The following CABIN1 variants were observed in gnomAD, a reference collection of about 807,000 sequenced individuals.
The protein encoded by CABIN1 is calcineurin-binding protein cabin-1.
CABIN1 carries 133 observed loss-of-function variants against 227.7 expected under a neutral mutation model. The ratio of observed to expected loss-of-function variants is 0.58; its 90% CI spans 0.51 to 0.67. The LOEUF (loss-of-function observed/expected upper bound fraction) is 0.67, where lower values mean the gene tolerates loss of function less well. Among genes scored for constraint, CABIN1 ranks in the 30% least tolerant of loss-of-function variants. CABIN1 has a pLI of 0.00. For missense variants in CABIN1, 2,408 were observed against 2,852.5 expected, an observed-to-expected ratio of 0.84 and a Z score of 3.55; for synonymous variants, 1,086 against 1,155.1, an observed-to-expected ratio of 0.94 and a Z score of 1.21.
At chr22:24,141,529 C>T (rs550821128) in intron 29 of CABIN1, among the ~76,000 whole-genome samples, 1 of 152,362 alleles carries the variant, frequency 6.6e-6, no homozygotes, top group African/African-American at 2.4e-5. Flanking sequence ...CACAGCCAAG[C>T]GCTTCCACAC....
chr22:24,167,375 T>C, intron 32 of CABIN1, 62 bp downstream of exon 32: 1 of 1,530,912 alleles, frequency 6.5e-7, no homozygotes, highest in South Asian at 1.2e-5. Flanking sequence ...CTCTTGCCTT[T>C]CTATCCTCAA....
intron 34 of CABIN1, among the ~76,000 whole-genome samples, chr22:24,172,400 C>T (rs530926471): frequency 7.2e-5 from 11 of 152,332 alleles, no homozygotes; most frequent in African/African-American, 2.2e-4. Flanking sequence ...GGGGTCCTGA[C>T]CTTCAGCATG....
At chr22:24,042,539 C>T (rs1017518167) in intron 5 of CABIN1, among the ~76,000 whole-genome samples, 3 of 152,142 alleles carry the variant, frequency 2.0e-5, no homozygotes, top group African/African-American at 7.2e-5. Flanking sequence ...TATGATCACA[C>T]CACTGCACTC....
intron 31 of CABIN1, 77 bp from the exon 32 acceptor site, chr22:24,166,562 G>T (rs1046431082): frequency 4.4e-6 from 7 of 1,591,318 alleles, no homozygotes; most frequent in African/African-American, 2.7e-5. Context: ...CCCAGGTTGG[G>T]CTCACCAGCC....
At chr22:24,071,194 G>C (rs1035607496) in intron 17 of CABIN1, 152 bp downstream of exon 17, 5 of 1,088,160 alleles carry the variant, frequency 4.6e-6, no homozygotes, top group African/African-American at 1.6e-5. Context: ...GATCTGAGGA[G>C]GGGTTTGTGC....
chr22:24,149,384 C>T (rs2045350504), intron 29 of CABIN1, among the ~76,000 whole-genome samples: 1 of 152,160 alleles, frequency 6.6e-6, no homozygotes, highest in South Asian at 2.1e-4. Context: ...ATGTTACTAC[C>T]ATGGGCCCCC....
rs578136511 is a variant in CABIN1 at position 24,043,080 on chromosome 22, C to T, written c.522C>T (p.Tyr174=). 1.1e-5 allele frequency: 17 copies of T among 1,613,552 alleles called. No individual in the cohort carries two copies. The South Asian group carries it at 1.6e-4, about 16-fold the overall frequency. The change falls in exon 6 of 37, where the codon TAC becomes TAT. Residue 174 remains tyrosine, a synonymous_variant. Coordinates refer to ENST00000263119, the MANE Select transcript of CABIN1 (RefSeq NM_012295.4). ...CTGTCCTGTACACCCTCAGTGATTA[C>T]ACAAGTGAGTCATGCTTTGATGCTT... is the stretch of plus-strand genomic sequence containing the variant. ...LITVLYTLSD[Y]TTCLYFICKA...
intron 24 of CABIN1, 26 bp from the exon 25 acceptor site, chr22:24,095,905 T>C (rs1569207630): frequency 6.2e-7 from 1 of 1,613,680 alleles, no homozygotes; most frequent in Non-Finnish European, 8.5e-7. Context: ...GGAAGGCTGC[T>C]CACACTAGAG....
intron 1 of CABIN1, among the ~76,000 whole-genome samples, chr22:24,017,227 C>G (rs2035368101): frequency 6.6e-6 from 1 of 151,770 alleles, no homozygotes; most frequent in South Asian, 2.1e-4. Flanking sequence ...TTAGCAGAGA[C>G]AGGGTTTCAC....
intron 32 of CABIN1, 49 bp downstream of exon 32, chr22:24,167,362 C>G: frequency 6.4e-7 from 1 of 1,562,470 alleles, no homozygotes; most frequent in Non-Finnish European, 8.7e-7. Context: ...GGCAGCATCC[C>G]CACTCTTGCC....
intron 13 of CABIN1, 61 bp downstream of exon 13, chr22:24,062,086 A>C: frequency 7.4e-7 from 1 of 1,360,480 alleles, no homozygotes. Flanking sequence ...AGCTGGGAGA[A>C]AGCTGAGGCG....
chr22:24,175,415 G>A (rs12169759), intron 34 of CABIN1, among the ~76,000 whole-genome samples: 2,457 of 152,348 alleles, frequency 0.016, 80 homozygotes, highest in African/African-American at 0.056. Flanking sequence ...ATGGGGAGGC[G>A]GTGGGGTGGC....
At chr22:24,022,895 T>C (rs1163766567) in intron 1 of CABIN1, among the ~76,000 whole-genome samples, 3 of 152,250 alleles carry the variant, frequency 2.0e-5, no homozygotes, top group Non-Finnish European at 4.4e-5. Context: ...TTGCCCATTT[T>C]TTAATTGGTC....
chr22:24,170,312 C>G (rs556170534), intron 33 of CABIN1, among the ~76,000 whole-genome samples: 19 of 152,332 alleles, frequency 1.2e-4, no homozygotes, highest in African/African-American at 3.8e-4. Context: ...TAGCTCCCGC[C>G]CCTCAGGGAG....
At chr22:24,082,044 AT>A (rs2040840588) in intron 19 of CABIN1, among the ~76,000 whole-genome samples, 2 of 148,410 alleles carry the variant, frequency 1.3e-5, no homozygotes, top group Middle Eastern at 3.5e-3. Context: ...AAGAAAGAAA[AT>A]TTGTTTTCTT....
chr22:24,157,246 A>G (rs2045886080), intron 29 of CABIN1, among the ~76,000 whole-genome samples: 1 of 152,048 alleles, frequency 6.6e-6, no homozygotes, highest in South Asian at 2.1e-4. Flanking sequence ...TTAGGGGAGG[A>G]ACAGGACTGC....
rs756624419 is a variant in CABIN1, at chr22:24,066,974, G to T, written c.2038-13G>T. 3 of 1,614,048 alleles carry T rather than the reference G, an allele frequency of 1.9e-6. No homozygotes were observed. Among genetic ancestry groups the T allele is most frequent in the East Asian group, 2.2e-5 (1 of 44,886 alleles). The stretch of plus-strand genomic sequence containing the variant: ...GGGTTTACCCTCATACAGCATTGCC[G>T]GGCCTTTTTCAGATTGATAAGAACC... On this transcript the variant is annotated splice_polypyrimidine_tract_variant and intron_variant, in intron 15 of 36. Transcript: ENST00000263119.
intron 1 of CABIN1, among the ~76,000 whole-genome samples, chr22:24,012,846 C>T (rs9612539): frequency 2.0e-4 from 31 of 152,082 alleles, no homozygotes; most frequent in South Asian, 1.2e-3. Flanking sequence ...CTGCAATCTC[C>T]GCCTCCCGGG....
At chr22:24,157,730 A>G (rs1266162020) in intron 29 of CABIN1, among the ~76,000 whole-genome samples, 1 of 152,030 alleles carries the variant, frequency 6.6e-6, no homozygotes, top group Non-Finnish European at 1.5e-5. Flanking sequence ...AGGACTGTAG[A>G]GGATTTTGGT....
Sources: gnomAD v4.1 joint callset for allele counts (sites outside exome capture counted in the v4.1 genomes callset) on GRCh38, gnomAD v4.1.1 for gene constraint, MANE v1.5 for transcripts, NCBI Gene and HGNC (gene_info 2026-07-23, HGNC 2026-07-21) for gene names.